The following CHST11 variants were observed in gnomAD, a reference collection of about 807,000 sequenced individuals.
CHST11 encodes the protein carbohydrate sulfotransferase 11.
CHST11 carries 9 observed loss-of-function variants against 30.4 expected under a neutral mutation model. The ratio of observed to expected loss-of-function variants is 0.30; its 90% CI spans 0.18 to 0.52. The LOEUF (loss-of-function observed/expected upper bound fraction) is 0.52, where lower values mean the gene tolerates loss of function less well. Among genes scored for constraint, CHST11 ranks in the 20% least tolerant of loss-of-function variants. The probability of loss-of-function intolerance (pLI) is 0.97; values close to 1 mark genes in which losing one functional copy is unlikely to be tolerated. For synonymous variants in CHST11, 152 were observed against 187.8 expected, an observed-to-expected ratio of 0.81 and a Z score of 1.56; for missense variants, 348 against 460.6, an observed-to-expected ratio of 0.76 and a Z score of 2.24.
At chr12:104,714,326 C>T (rs1449530746) in intron 2 of CHST11, among the ~76,000 whole-genome samples, 1 of 152,122 alleles carries the variant, frequency 6.6e-6, no homozygotes, top group East Asian at 1.9e-4. Flanking sequence ...GAGAAAGTGC[C>T]CAGCCTGGGA....
At chr12:104,457,785 GT>G (rs35612022) in intron 1 of CHST11, among the ~76,000 whole-genome samples, 22,351 of 137,634 alleles carry the variant, frequency 0.16, 2,344 homozygotes, top group African/African-American at 0.29. Flanking sequence ...AGGGGCGGTA[GT>G]TTTTTTTTTT....
chr12:104,539,834 A>G (rs1457403810), intron 1 of CHST11, among the ~76,000 whole-genome samples: 2 of 152,114 alleles, frequency 1.3e-5, no homozygotes, highest in African/African-American at 4.8e-5. Flanking sequence ...ATAATGTAGT[A>G]GTATTTGTTT....
chr12:104,607,438 C>T (rs544202896), intron 2 of CHST11, among the ~76,000 whole-genome samples: 1 of 152,242 alleles, frequency 6.6e-6, no homozygotes, highest in African/African-American at 2.4e-5. Flanking sequence ...GGAGGAGAGG[C>T]ACCTAGGTCA....
At chr12:104,636,292 T>C (rs549532769) in intron 2 of CHST11, among the ~76,000 whole-genome samples, 1 of 152,186 alleles carries the variant, frequency 6.6e-6, no homozygotes, top group South Asian at 2.1e-4. Context: ...CCTCTCTAAC[T>C]CAAAGACACA....
At chr12:104,701,798 T>C (rs1295746025) in intron 2 of CHST11, among the ~76,000 whole-genome samples, 1 of 152,232 alleles carries the variant, frequency 6.6e-6, no homozygotes, top group African/African-American at 2.4e-5. Flanking sequence ...GTGTGTTCAA[T>C]TCAGGTGGGA....
intron 2 of CHST11, among the ~76,000 whole-genome samples, chr12:104,720,505 C>T (rs987032923): frequency 6.6e-6 from 1 of 152,288 alleles, no homozygotes; most frequent in South Asian, 2.1e-4. Flanking sequence ...CAGCTACACT[C>T]ATGTCATGCG....
At chr12:104,609,845 A>G (rs1034299637) in intron 2 of CHST11, among the ~76,000 whole-genome samples, 1 of 152,160 alleles carries the variant, frequency 6.6e-6, no homozygotes, top group Admixed American at 6.5e-5. Flanking sequence ...TGTGCTCTGT[A>G]ATATAGGCTC....
intron 1 of CHST11, among the ~76,000 whole-genome samples, chr12:104,465,988 T>C (rs1248377496): frequency 6.6e-6 from 1 of 152,072 alleles, no homozygotes; most frequent in Non-Finnish European, 1.5e-5. Context: ...GCCTTCTAAG[T>C]AGCTGGGATT....
chr12:104,663,913 G>T (rs994053673), intron 2 of CHST11, among the ~76,000 whole-genome samples: 1 of 152,150 alleles, frequency 6.6e-6, no homozygotes, highest in African/African-American at 2.4e-5. Flanking sequence ...CAATTAGGCT[G>T]TGCCAGGCAT....
rs148648034 is a variant in CHST11, at chr12:104,549,933, A to C, written c.119-51973A>C. Among the ~76,000 whole-genome samples the C allele has an allele frequency of 1.8e-4, 27 of 152,230 alleles. No homozygotes were observed. In the East Asian group the frequency reaches 5.0e-3, roughly 28 times the overall value. On this transcript the variant is annotated intron_variant, in intron 1 of 2. Coordinates refer to ENST00000303694, the MANE Select transcript of CHST11 (RefSeq NM_018413.6). ...AAAAAAAAGATGACTAATTTGGAAG[A>C]CATGGACCCTGTTTTGAAACGATGA... is the stretch of plus-strand genomic sequence containing the variant.
intron 1 of CHST11, among the ~76,000 whole-genome samples, chr12:104,536,227 G>T (rs147804337): frequency 1.3e-5 from 2 of 152,274 alleles, no homozygotes; most frequent in East Asian, 3.9e-4. Flanking sequence ...AATAGTATTT[G>T]CTCAAACCCT....
intron 2 of CHST11, among the ~76,000 whole-genome samples, chr12:104,623,214 C>T (rs774471817): frequency 7.9e-5 from 12 of 152,224 alleles, no homozygotes; most frequent in Non-Finnish European, 1.5e-4. Context: ...AGCCTCACCA[C>T]ACTGCAAGGG....
chr12:104,645,183 G>A (rs548968749), intron 2 of CHST11, among the ~76,000 whole-genome samples: 16 of 152,226 alleles, frequency 1.1e-4, no homozygotes, highest in South Asian at 6.2e-4. Context: ...TCCTGACCTC[G>A]TGATCTGCCC....
At position 104,679,331 on chromosome 12, in the gene CHST11, C is replaced by G. The variant is rs148337648; in HGVS notation, c.204+77340C>G. Reference sequence around the variant, plus strand: ...CAGCCCCCACCGGCCAGGAGAGAGGCGAAGGGAGACCGAGGGCATATACGT... The same window carrying G: ...CAGCCCCCACCGGCCAGGAGAGAGGGGAAGGGAGACCGAGGGCATATACGT... On this transcript the variant is annotated intron_variant, in intron 2 of 2. Transcript: ENST00000303694. Among the ~76,000 whole-genome samples, 497 of 152,048 alleles carry G rather than the reference C, an allele frequency of 3.3e-3. 3 individuals are homozygous for G. Among genetic ancestry groups the G allele is most frequent in the African/African-American group, 0.011 (472 of 41,512 alleles).
chr12:104,559,374 A>C (rs2136015391), intron 1 of CHST11, among the ~76,000 whole-genome samples: 1 of 152,356 alleles, frequency 6.6e-6, no homozygotes, highest in South Asian at 2.1e-4. Context: ...TTCCAGGACT[A>C]AGGAGATGGC....
At chr12:104,744,244 T>C (rs835227) in intron 2 of CHST11, among the ~76,000 whole-genome samples, 87,918 of 152,126 alleles carry the variant, frequency 0.58, 25,833 homozygotes, top group African/African-American at 0.67. Context: ...TGTTCCTTTT[T>C]CTCCGCAACC....
In CHST11 at chr12:104,653,662, A is replaced by C. The variant is rs577071782; in HGVS notation, c.204+51671A>C. ...TTACCATGTGCCTGACAGTGGTCTGATGTCTGTATTTGTGTCTCCATCTTA... is the reference window on the plus strand; with the variant it reads ...TTACCATGTGCCTGACAGTGGTCTGCTGTCTGTATTTGTGTCTCCATCTTA... On this transcript the variant is annotated intron_variant, in intron 2 of 2. Transcript: ENST00000303694. Among the ~76,000 whole-genome samples the C allele has an allele frequency of 3.9e-5, 6 of 152,306 alleles. No homozygotes were observed. In the South Asian group the frequency reaches 1.0e-3, roughly 26 times the overall value.
At chr12:104,550,267 G>C (rs2038393323) in intron 1 of CHST11, among the ~76,000 whole-genome samples, 1 of 152,172 alleles carries the variant, frequency 6.6e-6, no homozygotes, top group Non-Finnish European at 1.5e-5. Flanking sequence ...CATGTGGTCT[G>C]ACCTCCTGTG....
intron 2 of CHST11, among the ~76,000 whole-genome samples, chr12:104,647,809 A>G (rs2039449524): frequency 6.6e-6 from 1 of 152,192 alleles, no homozygotes; most frequent in Non-Finnish European, 1.5e-5. Flanking sequence ...CTGTAGTCAG[A>G]TGTTGGCTGG....
Sources: allele counts gnomAD v4.1 joint callset (sites outside exome capture counted in the v4.1 genomes callset), GRCh38; gene constraint gnomAD v4.1.1; transcripts MANE v1.5; gene names NCBI Gene and HGNC (gene_info 2026-07-23, HGNC 2026-07-21).